FGD4: variants seen among roughly 807,000 people sequenced by gnomAD.
FGD4 encodes FYVE, RhoGEF and PH domain-containing protein 4.
FGD4 carries 42 observed loss-of-function variants against 102.0 expected under a neutral mutation model. The ratio of observed to expected loss-of-function variants is 0.41; its 90% confidence interval spans 0.32 to 0.53. The LOEUF is 0.53. FGD4 is among the 20% of genes least tolerant of loss of function. The probability of loss-of-function intolerance (pLI) is 0.21; values close to 1 mark genes in which losing one functional copy is unlikely to be tolerated. For synonymous variants in FGD4, 380 were observed against 375.7 expected, an observed-to-expected ratio of 1.01 and a Z score of -0.13; for missense variants, 902 against 1,078.2, an observed-to-expected ratio of 0.84 and a Z score of 2.29.
At chr12:32,624,570 A>G in intron 12 of FGD4, 118 bp downstream of exon 12, 1 of 869,178 alleles carries the variant, frequency 1.2e-6, no homozygotes, top group Non-Finnish European at 1.9e-6. Context: ...GTCTGGGCTC[A>G]AGCAAGCCTT....
chr12:32,578,576 T>C (rs1176693249), intron 3 of FGD4, among the ~76,000 whole-genome samples: 4 of 152,132 alleles, frequency 2.6e-5, no homozygotes, highest in Admixed American at 2.6e-4. Flanking sequence ...ATGCCTATAA[T>C]CCCAGCACTT....
rs1354747927 is a variant in FGD4, at chr12:32,611,293, A to G, written c.1749+10A>G. 1 of 1,614,140 alleles carries G rather than the reference A, an allele frequency of 6.2e-7. No individual in the cohort carries two copies. The highest frequency in any genetic ancestry group is 1.6e-4 in the Middle Eastern group (1 of 6,062). ...ACGCTACCTTTTCTTAGTGAGTATT[A>G]TAGTGTTGGCAAGTCATATAAGAAT... On this transcript the variant is annotated intron_variant, in intron 10 of 16. Coordinates refer to ENST00000534526, the MANE Select transcript of FGD4 (RefSeq NM_001370298.3).
intron 15 of FGD4, among the ~76,000 whole-genome samples, chr12:32,635,800 G>A (rs1386461328): frequency 6.6e-6 from 1 of 151,910 alleles, no homozygotes; most frequent in Non-Finnish European, 1.5e-5. Context: ...GGATCACAAG[G>A]TCAGGAGTTC....
At position 32,491,151 on chromosome 12, in the gene FGD4, C is replaced by CAA. The variant is rs879482771; in HGVS notation, c.167-72981_167-72980dup. Among the ~76,000 whole-genome samples the CAA allele has an allele frequency of 6.0e-3, 778 of 129,416 alleles. 10 individuals are homozygous for CAA. Among genetic ancestry groups the CAA allele is most frequent in the African/African-American group, 0.023 (737 of 32,482 alleles). The allele number at this position is 129,416 out of a possible 152,430, so 84.9% of individuals were successfully genotyped here. On this transcript the variant is annotated intron_variant, in intron 1 of 16. Coordinates refer to ENST00000534526, the MANE Select transcript of FGD4 (RefSeq NM_001370298.3). ...GCCAGTTAAAAAAAAAAAAAAAAAA[C>CAA]AAAAAACTATAAAATTGGAAAGGTA...
At chr12:32,459,400 G>A (rs1181415545) in intron 1 of FGD4, among the ~76,000 whole-genome samples, 1 of 151,778 alleles carries the variant, frequency 6.6e-6, no homozygotes, top group Non-Finnish European at 1.5e-5. Flanking sequence ...TGCCATGTTG[G>A]CCAGGCTGGT....
rs535916776 is a variant in FGD4 at position 32,642,998 on chromosome 12, A to T, written c.*2465A>T. On this transcript the variant is annotated 3_prime_UTR_variant, in exon 17 of 17. Transcript: ENST00000534526. ...ATTGGTTGCTTTCCCATTAAAACCA[A>T]CGTTCCCTGTGGGTCTTAATTCTTT... 2.0e-5 allele frequency: 3 copies of T among 152,446 alleles called. No homozygotes were observed. The highest frequency in any genetic ancestry group is 7.2e-5 in the African/African-American group (3 of 41,430). The allele number at this position is 152,446 out of a possible 1,614,324, so 9.4% of individuals were successfully genotyped here.
At chr12:32,456,730 A>G (rs939621665) in intron 1 of FGD4, among the ~76,000 whole-genome samples, 1 of 152,198 alleles carries the variant, frequency 6.6e-6, no homozygotes, top group Non-Finnish European at 1.5e-5. Context: ...TACTGAAAGA[A>G]TTGATAAATG....
intron 7 of FGD4, among the ~76,000 whole-genome samples, chr12:32,605,457 A>C (rs777683293): frequency 3.3e-5 from 5 of 151,904 alleles, no homozygotes; most frequent in African/African-American, 4.8e-5. Flanking sequence ...TGCCTTCTAC[A>C]TTCTTCTTTC....
intron 7 of FGD4, among the ~76,000 whole-genome samples, chr12:32,607,439 A>T (rs919010959): frequency 1.3e-5 from 2 of 152,196 alleles, no homozygotes; most frequent in Middle Eastern, 3.2e-3. Context: ...GAAGAAAAAA[A>T]TGCATATTCT....
At chr12:32,491,588 C>T (rs1354644856) in intron 1 of FGD4, among the ~76,000 whole-genome samples, 2 of 152,220 alleles carry the variant, frequency 1.3e-5, no homozygotes, top group East Asian at 1.9e-4. Flanking sequence ...AATGTATATT[C>T]CTGCTGATAT....
At chr12:32,421,765 AAACC>A (rs1252398704) in intron 1 of FGD4, among the ~76,000 whole-genome samples, 4 of 152,214 alleles carry the variant, frequency 2.6e-5, no homozygotes, top group Non-Finnish European at 4.4e-5. Flanking sequence ...AAAAAACAAA[AAACC>A]AACAACAACA....
chr12:32,472,413 C>T (rs1426888101), intron 1 of FGD4, among the ~76,000 whole-genome samples: 6 of 144,274 alleles, frequency 4.2e-5, no homozygotes, highest in Admixed American at 3.4e-4. Flanking sequence ...TGGCCCCGGG[C>T]AATGGGGGAC....
intron 1 of FGD4, among the ~76,000 whole-genome samples, chr12:32,513,043 A>G (rs995266072): frequency 6.6e-6 from 1 of 152,224 alleles, no homozygotes; most frequent in African/African-American, 2.4e-5. Context: ...CAATAAAGAT[A>G]CAGTCTTGCT....
At chr12:32,470,714 A>G (rs1442487967) in intron 1 of FGD4, among the ~76,000 whole-genome samples, 1 of 152,008 alleles carries the variant, frequency 6.6e-6, no homozygotes, top group Non-Finnish European at 1.5e-5. Context: ...TCAGCCTCCC[A>G]AAGTGCTGGG....
At chr12:32,499,444 A>G (rs1040397009) in intron 1 of FGD4, among the ~76,000 whole-genome samples, 1 of 151,950 alleles carries the variant, frequency 6.6e-6, no homozygotes, top group African/African-American at 2.4e-5. Flanking sequence ...ATCTGCCTTT[A>G]TTTTTCTTGT....
chr12:32,520,790 T>A (rs7967702), intron 1 of FGD4, among the ~76,000 whole-genome samples: 37,400 of 151,952 alleles, frequency 0.25, 5,380 homozygotes, highest in Middle Eastern at 0.44. Context: ...TATCTAACTC[T>A]TACCTACATT....
At chr12:32,402,461 C>G (rs1254463736) in intron 1 of FGD4, among the ~76,000 whole-genome samples, 1 of 151,812 alleles carries the variant, frequency 6.6e-6, no homozygotes, top group Non-Finnish European at 1.5e-5. Flanking sequence ...GATGGGGTCT[C>G]ACTGTGTTGC....
intron 1 of FGD4, among the ~76,000 whole-genome samples, chr12:32,479,333 A>G (rs6488059): frequency 0.56 from 84,945 of 151,784 alleles, 26,190 homozygotes; most frequent in East Asian, 0.73. Flanking sequence ...GTAGTCATAT[A>G]ACTAAAGTTT....
intron 1 of FGD4, among the ~76,000 whole-genome samples, chr12:32,558,964 T>TCCTTC (rs1438690132): frequency 2.0e-5 from 3 of 152,210 alleles, no homozygotes; most frequent in African/African-American, 7.2e-5. Context: ...CGGATACCTC[T>TCCTTC]CCTTCCCCAT....
Sources: allele counts gnomAD v4.1 joint callset (sites outside exome capture counted in the v4.1 genomes callset), GRCh38; gene constraint gnomAD v4.1.1; transcripts MANE v1.5; gene names NCBI Gene and HGNC (gene_info 2026-07-23, HGNC 2026-07-21).